Variants in C6orf89 observed in about 807,000 individuals in gnomAD.
C6orf89 encodes the protein bombesin receptor-activated protein C6orf89.
A neutral mutation model predicts 40.7 loss-of-function variants in C6orf89; 29 were observed. The ratio of observed to expected loss-of-function variants is 0.71; its 90% CI spans 0.53 to 0.97. The LOEUF (loss-of-function observed/expected upper bound fraction) is 0.97. C6orf89 is among the 50% of genes least tolerant of loss of function. The pLI, the probability that C6orf89 is intolerant of heterozygous loss-of-function variation, is 0.00. For synonymous variants in C6orf89, 165 were observed against 152.2 expected (o/e 1.08, Z -0.62); for missense variants, 392 against 429.1 (o/e 0.91, Z 0.76).
At chr6:36,892,430 C>T (rs1278665817) in intron 1 of C6orf89, among the ~76,000 whole-genome samples, 1 of 152,196 alleles carries the variant, frequency 6.6e-6, no homozygotes, top group African/African-American at 2.4e-5. Flanking sequence ...GAGCCTCTAA[C>T]TTCTGGCCTC....
intron 1 of C6orf89, among the ~76,000 whole-genome samples, chr6:36,891,837 G>A (rs1389277551): frequency 6.6e-6 from 1 of 152,138 alleles, no homozygotes; most frequent in African/African-American, 2.4e-5. Context: ...CCCCTTTTGT[G>A]CTTTAACTAG....
rs551170155 is a variant in C6orf89, at chr6:36,886,008, C to T, written c.-140C>T. 1.3e-3 allele frequency: 1,417 copies of T among 1,102,806 alleles called. 14 individuals carry two copies. In the African/African-American group the frequency reaches 0.04, roughly 31 times the overall value. 68.3% of individuals were successfully genotyped at this position (1,102,806 alleles called of 1,614,324 possible). A position where few individuals can be genotyped will look rare whatever the true frequency, so the allele number is the denominator to read the frequency against. Reference sequence around the variant, plus strand: ...AGCTGTCCCCGAGGCGGGAGGAGCCCGAGGGGCGCGAGCCCCGCATGTGAG... The same window carrying T: ...AGCTGTCCCCGAGGCGGGAGGAGCCTGAGGGGCGCGAGCCCCGCATGTGAG... On this transcript the variant is annotated 5_prime_UTR_variant, in exon 1 of 9. Coordinates refer to ENST00000480824, the MANE Select transcript of C6orf89 (RefSeq NM_001286635.2).
chr6:36,904,879 G>A (rs1761867731), intron 4 of C6orf89, among the ~76,000 whole-genome samples: 1 of 152,108 alleles, frequency 6.6e-6, no homozygotes, highest in African/African-American at 2.4e-5. Flanking sequence ...CCTTGGTGAT[G>A]TACAAGAGGC....
intron 8 of C6orf89, among the ~76,000 whole-genome samples, chr6:36,922,062 C>A (rs992231977): frequency 2.4e-4 from 37 of 152,118 alleles, no homozygotes; most frequent in Admixed American, 2.1e-3. Context: ...TAAAGCCATG[C>A]GCGATGGCTC....
rs770263655 is a variant in C6orf89 at position 36,902,375 on chromosome 6, A to G, written c.344A>G (p.Tyr115Cys). The change falls in exon 4 of 9, where the codon TAC (tyrosine) becomes TGC (cysteine). Residue 115 changes from tyrosine to cysteine, a missense_variant. Physicochemically the swap from Tyr to Cys is radical, Grantham distance 194. Coordinates refer to ENST00000480824, the MANE Select transcript of C6orf89 (RefSeq NM_001286635.2). Reference protein sequence around the residue: ...RLMSLPIAKKYMSENKGVPLH... With the variant: ...RLMSLPIAKKCMSENKGVPLH... ...ATGTCCTTGCCCATTGCCAAGAAGT[A>G]CATGTCAGAAAATAAGGGAGTTCCT... 1.2e-6 allele frequency: 2 copies of G among 1,614,228 alleles called. No individual in the cohort carries two copies. The highest frequency in any genetic ancestry group is 1.1e-5 in the South Asian group (1 of 91,084).
intron 7 of C6orf89, among the ~76,000 whole-genome samples, 168 bp downstream of exon 7, chr6:36,916,742 C>G (rs553066293): frequency 4.2e-4 from 64 of 152,312 alleles, no homozygotes; most frequent in African/African-American, 1.5e-3. Flanking sequence ...AGGAGACTTG[C>G]AGGGGCCCAC....
In C6orf89 at chr6:36,894,539, C is replaced by T. The variant is rs778011963; in HGVS notation, c.-84C>T. The stretch of plus-strand genomic sequence containing the variant: ...AGTCAATCATTTTCCAGTTCTCAGC[C>T]GCTCAGTTGTGATCAAGGGACACGT... On this transcript the variant is annotated 5_prime_UTR_variant, in exon 2 of 9. Transcript: ENST00000480824. The T allele has an allele frequency of 2.6e-5, 26 of 985,186 alleles. No individual in the cohort carries two copies. Among genetic ancestry groups the T allele is most frequent in the African/African-American group, 3.5e-5 (2 of 57,198 alleles). 61.0% of individuals were successfully genotyped at this position (985,186 alleles called of 1,614,324 possible). A position where few individuals can be genotyped will look rare whatever the true frequency, so the allele number is the denominator to read the frequency against.
At chr6:36,919,812 A>G in intron 8 of C6orf89, 111 bp downstream of exon 8, 1 of 1,129,402 alleles carries the variant, frequency 8.9e-7, no homozygotes, top group Non-Finnish European at 1.2e-6. Context: ...AGTAGAATCA[A>G]AAATAACATT....
At chr6:36,871,970 A>G in intron 1 of C6orf89, 1 of 1,152,640 alleles carries the variant, frequency 8.7e-7, no homozygotes, top group Non-Finnish European at 1.2e-6. Context: ...TCAAGCTTGT[A>G]AGTCATGAAA....
At chr6:36,904,587 A>G (rs1761856352) in intron 4 of C6orf89, among the ~76,000 whole-genome samples, 1 of 152,256 alleles carries the variant, frequency 6.6e-6, no homozygotes, top group Non-Finnish European at 1.5e-5. Context: ...GAGTAAACAG[A>G]AACACATGAG....
upstream of C6orf89, chr6:36,885,704 G>C (rs190633802): frequency 2.9e-3 from 801 of 276,226 alleles, 13 homozygotes; most frequent in Middle Eastern, 7.4e-3. Flanking sequence ...TATGAAGTCT[G>C]TGTGAGCCAG....
At chr6:36,900,880 C>A (rs1178693032) in intron 3 of C6orf89, among the ~76,000 whole-genome samples, 1 of 141,912 alleles carries the variant, frequency 7.0e-6, no homozygotes, top group African/African-American at 2.6e-5. Flanking sequence ...GAGTTTCACT[C>A]TTGTTGCCCA....
Position 36,872,631 on chromosome 6 carries a change from A to G in C6orf89, c.-628+664A>G, listed in dbSNP as rs144188319. On this transcript the variant is annotated intron_variant, in intron 1 of 9. Transcript: ENST00000359359. ...TGTGACAATTTTTTTTTTTTTGAGA[A>G]AGGGTCTCCTCTGTCACCCAGGTTA... 3.5e-3 allele frequency among the ~76,000 whole-genome samples: 527 copies of G among 151,994 alleles called. 2 individuals are homozygous for G. The highest frequency in any genetic ancestry group is 0.012 in the African/African-American group (491 of 41,478).
rs1006670147 is a variant in C6orf89, at chr6:36,890,307, C to G, written c.-119-4197C>G. Among the ~76,000 whole-genome samples the G allele has an allele frequency of 6.6e-5, 10 of 152,154 alleles. No homozygotes were observed. The South Asian group carries it at 2.1e-3, about 32-fold the overall frequency. On this transcript the variant is annotated intron_variant, in intron 1 of 8. Transcript: ENST00000480824. ...TTTGCCCAGTACCTCCCTGTTTCCC[C>G]CTGCCTGCAGCCTCCTGCAACCACC...
intron 1 of C6orf89, among the ~76,000 whole-genome samples, chr6:36,873,792 G>A (rs1327439344): frequency 1.3e-5 from 2 of 152,210 alleles, no homozygotes; most frequent in African/African-American, 4.8e-5. Context: ...CAGAAAGGCA[G>A]AGGACCTTGG....
chr6:36,917,496 G>C (rs1272802899), intron 7 of C6orf89, among the ~76,000 whole-genome samples: 1 of 152,156 alleles, frequency 6.6e-6, no homozygotes, highest in African/African-American at 2.4e-5. Context: ...CGGTTTGGGA[G>C]AATTAAAAGC....
intron 7 of C6orf89, among the ~76,000 whole-genome samples, chr6:36,917,310 C>T (rs958640515): frequency 2.6e-5 from 4 of 152,176 alleles, no homozygotes; most frequent in Non-Finnish European, 4.4e-5. Flanking sequence ...GGTAGAAAAG[C>T]CCACTCTGCC....
intron 8 of C6orf89, among the ~76,000 whole-genome samples, chr6:36,920,252 C>T (rs569185832): frequency 2.9e-4 from 44 of 152,344 alleles, no homozygotes; most frequent in Non-Finnish European, 4.9e-4. Flanking sequence ...TGATGACTCA[C>T]CCTTGACCCT....
intron 4 of C6orf89, among the ~76,000 whole-genome samples, chr6:36,904,389 T>C (rs1472367356): frequency 6.6e-6 from 1 of 152,196 alleles, no homozygotes; most frequent in East Asian, 1.9e-4. Context: ...GAGTGAGCAT[T>C]GGAAGGGTGT....
Sources: allele counts gnomAD v4.1 joint callset (sites outside exome capture counted in the v4.1 genomes callset), GRCh38; gene constraint gnomAD v4.1.1; transcripts MANE v1.5; gene names NCBI Gene and HGNC (gene_info 2026-07-23, HGNC 2026-07-21).